DAPK1: variants seen among roughly 807,000 people sequenced by gnomAD.
The protein encoded by DAPK1 is death-associated protein kinase 1.
DAPK1 carries 56 observed loss-of-function variants against 144.9 expected under a neutral mutation model. That is an observed-to-expected ratio of 0.39 (90% CI 0.31 to 0.48). DAPK1 has a LOEUF of 0.48. Ranked by LOEUF, DAPK1 falls within the 20% of genes least tolerant of loss-of-function variation. The pLI, the probability that DAPK1 is intolerant of heterozygous loss-of-function variation, is 0.95. For missense variants in DAPK1, 1,454 were observed against 1,875.4 expected (o/e 0.78, Z 4.15); for synonymous variants, 690 against 749.0 (o/e 0.92, Z 1.29).
chr9:87,660,091 G>A (rs1223604463), intron 18 of DAPK1, among the ~76,000 whole-genome samples: 1 of 152,210 alleles, frequency 6.6e-6, no homozygotes, highest in Non-Finnish European at 1.5e-5. Flanking sequence ...GCCGGACAGA[G>A]TCCCGGGAGG....
chr9:87,612,766 T>A (rs941541662), intron 3 of DAPK1, among the ~76,000 whole-genome samples: 9 of 152,176 alleles, frequency 5.9e-5, no homozygotes, highest in Non-Finnish European at 1.3e-4. Context: ...TCCCTGCAGA[T>A]AGCCTGAGCA....
At position 87,582,013 on chromosome 9, in the gene DAPK1, C is replaced by T. The variant is rs36205097; in HGVS notation, c.63-22941C>T. Among the ~76,000 whole-genome samples, 1,023 of 152,130 alleles carry T rather than the reference C, an allele frequency of 6.7e-3. 11 individuals carry two copies. The highest frequency in any genetic ancestry group is 8.3e-3 in the Non-Finnish European group (561 of 67,984). The stretch of plus-strand genomic sequence containing the variant: ...AAATAACCAAGGTTTAAAAAGAAAA[C>T]AAATCCAGGAGGCCTTCAAATATAC... On this transcript the variant is annotated intron_variant, in intron 2 of 25. Transcript: ENST00000408954.
intron 25 of DAPK1, among the ~76,000 whole-genome samples, chr9:87,704,029 A>C (rs2118098342): frequency 6.6e-6 from 1 of 152,314 alleles, no homozygotes; most frequent in South Asian, 2.1e-4. Flanking sequence ...GTCTGGCCCT[A>C]TAGCCAGTTT....
chr9:87,603,993 T>C (rs2118953919), intron 2 of DAPK1, among the ~76,000 whole-genome samples: 1 of 152,294 alleles, frequency 6.6e-6, no homozygotes, highest in East Asian at 1.9e-4. Flanking sequence ...AGGAATTTAT[T>C]GGCTTATGTC....
chr9:87,670,538 T>C (rs1831216566), intron 19 of DAPK1, among the ~76,000 whole-genome samples: 1 of 152,186 alleles, frequency 6.6e-6, no homozygotes, highest in Admixed American at 6.5e-5. Context: ...ATAAGCCTGC[T>C]TGGTCAGGTG....
chr9:87,534,665 T>A (rs1344856322), intron 2 of DAPK1, among the ~76,000 whole-genome samples: 15 of 143,434 alleles, frequency 1.0e-4, no homozygotes, highest in Non-Finnish European at 1.9e-4. Flanking sequence ...TTTTTTTTGA[T>A]ACGGAGTCTC....
intron 2 of DAPK1, among the ~76,000 whole-genome samples, chr9:87,499,887 C>CA (rs1564111596): frequency 2.0e-5 from 3 of 152,246 alleles, no homozygotes; most frequent in Middle Eastern, 3.4e-3. Context: ...GTGTATTAGA[C>CA]AGAGTGTTTT....
chr9:87,553,250 G>GC (rs531802469), intron 2 of DAPK1, among the ~76,000 whole-genome samples: 124 of 150,768 alleles, frequency 8.2e-4, no homozygotes, highest in African/African-American at 2.9e-3. Context: ...ATGTGGGGGG[G>GC]GTTGGGTGAT....
intron 18 of DAPK1, among the ~76,000 whole-genome samples, chr9:87,662,954 G>A (rs1418328919): frequency 6.6e-6 from 1 of 151,962 alleles, no homozygotes. Flanking sequence ...GCTGAGTCAA[G>A]GCCTAGGGAG....
rs543415759 is a variant in DAPK1 at position 87,670,808 on chromosome 9, C to T, written c.2001+2134C>T. On this transcript the variant is annotated intron_variant, in intron 19 of 25. Transcript: ENST00000408954. Reference sequence around the variant, plus strand: ...GACCTGCAGTCAGCTCATTGTGAGGCGGACACTCAGCTGCAGCAAGGTGAC... The same window carrying T: ...GACCTGCAGTCAGCTCATTGTGAGGTGGACACTCAGCTGCAGCAAGGTGAC... 2.1e-3 allele frequency among the ~76,000 whole-genome samples: 313 copies of T among 152,274 alleles called. 2 individuals carry two copies. The highest frequency in any genetic ancestry group is 6.6e-3 in the African/African-American group (273 of 41,554).
In DAPK1 at chr9:87,686,855, A is replaced by G. The variant is rs1824883300; in HGVS notation, c.2413+116A>G. ...TCTGTCACTTCCAGAAGGAAATCCA[A>G]CACAGACTGATATTCAGAGTGAGCC... On this transcript the variant is annotated intron_variant, in intron 21 of 25. Coordinates refer to ENST00000408954, the MANE Select transcript of DAPK1 (RefSeq NM_004938.4). The surrounding 1 kb of genome is among the most constrained non-coding windows in gnomAD (Gnocchi z 4.2). 7.0e-7 allele frequency: 1 copy of G among 1,427,920 alleles called. No individual in the cohort carries two copies. The allele number at this position is 1,427,920 out of a possible 1,614,324, so 88.5% of individuals were successfully genotyped here. A position where few individuals can be genotyped will look rare whatever the true frequency, so the allele number is the denominator to read the frequency against.
At chr9:87,660,838 A>T (rs1404964637) in intron 18 of DAPK1, among the ~76,000 whole-genome samples, 1 of 151,546 alleles carries the variant, frequency 6.6e-6, no homozygotes, top group African/African-American at 2.4e-5. Flanking sequence ...TTTATTTTTT[A>T]TTTTTTTGTT....
chr9:87,526,897 C>T (rs1025723366), intron 2 of DAPK1, among the ~76,000 whole-genome samples: 4 of 152,114 alleles, frequency 2.6e-5, no homozygotes, highest in African/African-American at 9.7e-5. Flanking sequence ...AACTCAGAAC[C>T]CAAACATAAC....
intron 2 of DAPK1, among the ~76,000 whole-genome samples, chr9:87,551,456 G>T (rs938370796): frequency 5.3e-5 from 8 of 152,268 alleles, no homozygotes; most frequent in African/African-American, 1.7e-4. Flanking sequence ...TGTTAATTTA[G>T]ATTTTAAGCC....
chr9:87,517,066 A>G (rs562485206), intron 2 of DAPK1, among the ~76,000 whole-genome samples: 39 of 152,232 alleles, frequency 2.6e-4, no homozygotes, highest in South Asian at 1.9e-3. Flanking sequence ...AGTGCCTCTC[A>G]TTAGCCAAAC....
intron 2 of DAPK1, among the ~76,000 whole-genome samples, chr9:87,576,929 G>A (rs902129522): frequency 2.0e-5 from 3 of 152,158 alleles, no homozygotes; most frequent in African/African-American, 4.8e-5. Flanking sequence ...CTGTGAGCAC[G>A]AGGTGAGCTC....
intron 3 of DAPK1, among the ~76,000 whole-genome samples, chr9:87,617,396 C>CT (rs1174342608): frequency 8.6e-5 from 13 of 152,014 alleles, no homozygotes; most frequent in Admixed American, 8.5e-4. Context: ...CCTACCTCTT[C>CT]TACCCCTTGG....
rs1422331174 is a variant in DAPK1, at chr9:87,651,648, TG to T, written c.1750del (p.Ala584HisfsTer40). ...AGGCACGGCAATACTCCCCTCCATG[TG>T]GCATGTAAAGATGGCAACATGCCTA... is the stretch of plus-strand genomic sequence containing the variant. ...QDRHGNTPLH[V>X]ACKDGNMPIV... is the part of the protein sequence containing the mutation. On this transcript the variant is annotated frameshift_variant, in exon 17 of 26. Transcript: ENST00000408954. LOFTEE classifies it high-confidence loss of function. The T allele has an allele frequency of 6.2e-7, 1 of 1,614,198 alleles. No individual in the cohort carries two copies. The highest frequency in any genetic ancestry group is 8.5e-7 in the Non-Finnish European group (1 of 1,180,020).
intron 18 of DAPK1, among the ~76,000 whole-genome samples, chr9:87,659,267 T>C (rs930031849): frequency 5.3e-5 from 8 of 152,148 alleles, no homozygotes; most frequent in African/African-American, 1.9e-4. Context: ...GGCCCAGTTA[T>C]TACCAGTACT....
Sources: allele counts gnomAD v4.1 joint callset (sites outside exome capture counted in the v4.1 genomes callset), GRCh38; gene constraint gnomAD v4.1.1; non-coding constraint Gnocchi (gnomAD v3.1); transcripts MANE v1.5; gene names NCBI Gene and HGNC (gene_info 2026-07-23, HGNC 2026-07-21).